The following C2CD5 variants were observed in gnomAD, a reference collection of about 807,000 sequenced individuals.
The protein encoded by C2CD5 is C2 domain-containing protein 5.
A neutral mutation model predicts 130.3 loss-of-function variants in C2CD5; 109 were observed. The observed-to-expected ratio is 0.84, with a 90% CI of 0.72 to 0.98. The LOEUF (loss-of-function observed/expected upper bound fraction) is 0.98. C2CD5 is among the 50% of genes least tolerant of loss of function. The pLI, the probability that C2CD5 is intolerant of heterozygous loss-of-function variation, is 0.00. For missense variants in C2CD5, 996 were observed against 1,261.8 expected (o/e 0.79, Z 3.19); for synonymous variants, 454 against 429.2 (o/e 1.06, Z -0.71).
At chr12:22,472,441 A>G in intron 17 of C2CD5, 94 bp from the exon 18 acceptor site, 2 of 700,736 alleles carry the variant, frequency 2.9e-6, no homozygotes, top group South Asian at 1.9e-5. Context: ...AGTTCTAACT[A>G]TAACACCCTT....
chr12:22,530,700 G>A (rs866537346), intron 3 of C2CD5, among the ~76,000 whole-genome samples: 14 of 151,878 alleles, frequency 9.2e-5, no homozygotes, highest in South Asian at 4.1e-4. Context: ...CAGGTGATTC[G>A]CCTGCCTCGG....
At chr12:22,478,731 T>C (rs531841323) in intron 14 of C2CD5, among the ~76,000 whole-genome samples, 1 of 151,862 alleles carries the variant, frequency 6.6e-6, no homozygotes, top group East Asian at 1.9e-4. Context: ...CCATAATCCC[T>C]GCTACTCAGG....
intron 22 of C2CD5, among the ~76,000 whole-genome samples, chr12:22,463,179 G>C (rs1430029751): frequency 2.0e-5 from 3 of 151,992 alleles, no homozygotes; most frequent in Non-Finnish European, 4.4e-5. Context: ...TTGAGGTCAG[G>C]AGTTCGAGAC....
intron 15 of C2CD5, among the ~76,000 whole-genome samples, chr12:22,477,643 CA>C (rs1001511661): frequency 3.3e-5 from 5 of 151,984 alleles, no homozygotes; most frequent in African/African-American, 1.2e-4. Context: ...CTCATAAAAA[CA>C]AATAGTTTCA....
intron 9 of C2CD5, chr12:22,512,567 TA>T: frequency 9.5e-7 from 1 of 1,049,030 alleles, no homozygotes; most frequent in Non-Finnish European, 1.3e-6. Context: ...TAAGATTAAA[TA>T]AAATTTAAAT....
intron 24 of C2CD5, among the ~76,000 whole-genome samples, chr12:22,457,904 G>T (rs1354261239): frequency 1.3e-5 from 2 of 152,162 alleles, no homozygotes; most frequent in East Asian, 3.9e-4. Flanking sequence ...TTCAGAACCA[G>T]ATCTGGCTGG....
chr12:22,513,099 C>T (rs73076666), intron 9 of C2CD5, among the ~76,000 whole-genome samples, 195 bp downstream of exon 9: 6,276 of 152,034 alleles, frequency 0.041, 165 homozygotes, highest in South Asian at 0.11. Flanking sequence ...ATTATTATTA[C>T]GTAATTATTC....
chr12:22,484,466 A>G (rs949199129), intron 13 of C2CD5: 4 of 379,166 alleles, frequency 1.1e-5, no homozygotes, highest in Non-Finnish European at 1.9e-5. Flanking sequence ...AAAATGACAA[A>G]TATTTGTGTA....
At chr12:22,531,021 G>C (rs1328116028) in intron 3 of C2CD5, among the ~76,000 whole-genome samples, 1 of 151,898 alleles carries the variant, frequency 6.6e-6, no homozygotes, top group African/African-American at 2.4e-5. Flanking sequence ...CCATTTCTAG[G>C]TTATAGTTGG....
intron 9 of C2CD5, among the ~76,000 whole-genome samples, chr12:22,512,843 T>C (rs1431089057): frequency 6.6e-6 from 1 of 152,050 alleles, no homozygotes; most frequent in African/African-American, 2.4e-5. Context: ...TATTAATCTT[T>C]AGAAATATAG....
chr12:22,501,553 T>A (rs904430660), intron 10 of C2CD5, among the ~76,000 whole-genome samples: 2 of 152,194 alleles, frequency 1.3e-5, no homozygotes, highest in Non-Finnish European at 2.9e-5. Context: ...CCTAGGAAAG[T>A]ATTTTTCAAT....
Position 22,449,619 on chromosome 12 carries a change from A to C in C2CD5, c.*141T>G. 1.3e-6 allele frequency: 1 copy of C among 752,750 alleles called. No homozygotes were observed. Among genetic ancestry groups the C allele is most frequent in the African/African-American group, 1.7e-5 (1 of 57,344 alleles). 46.6% of individuals were successfully genotyped at this position (752,750 alleles called of 1,614,324 possible). On this transcript the variant is annotated 3_prime_UTR_variant, in exon 27 of 27. Coordinates refer to ENST00000446597, the MANE Select transcript of C2CD5 (RefSeq NM_001286176.2). ...AAGATTAGAAAATTCTCATGCCTCCAAAAGACTCCAGGCAAATCAAATCTA... is the reference window on the plus strand; with the variant it reads ...AAGATTAGAAAATTCTCATGCCTCCCAAAGACTCCAGGCAAATCAAATCTA...
chr12:22,467,774 T>C (rs1377277289), intron 22 of C2CD5, among the ~76,000 whole-genome samples: 4 of 152,220 alleles, frequency 2.6e-5, no homozygotes, highest in South Asian at 2.1e-4. Context: ...GGACTTACTC[T>C]ACTCAAATTC....
chr12:22,471,013 C>G (rs1942937682), intron 20 of C2CD5, 102 bp from the exon 21 acceptor site: 1 of 697,858 alleles, frequency 1.4e-6, no homozygotes, highest in Admixed American at 2.9e-5. Context: ...CACCAAATAC[C>G]TTTTCTGGTT....
intron 15 of C2CD5, chr12:22,477,191 C>G (rs1943970125): frequency 6.6e-6 from 1 of 151,984 alleles, no homozygotes; most frequent in South Asian, 2.1e-4. Flanking sequence ...AAAATCAATA[C>G]AAAAATATTC....
chr12:22,486,833 A>C (rs1320506758), intron 12 of C2CD5, among the ~76,000 whole-genome samples: 1 of 152,206 alleles, frequency 6.6e-6, no homozygotes, highest in Non-Finnish European at 1.5e-5. Flanking sequence ...TGCAGAATTA[A>C]CTTGTGAATG....
At chr12:22,478,573 C>A (rs1266914755) in intron 14 of C2CD5, 96 bp from the exon 15 acceptor site, 1 of 1,019,634 alleles carries the variant, frequency 9.8e-7, no homozygotes, top group African/African-American at 1.6e-5. Flanking sequence ...CAGCTGGGTG[C>A]AGTGGCTCAC....
chr12:22,507,395 C>G (rs1328248397), intron 9 of C2CD5, among the ~76,000 whole-genome samples: 1 of 151,728 alleles, frequency 6.6e-6, no homozygotes, highest in Admixed American at 6.5e-5. Context: ...CTATCAACAC[C>G]AATGTGGCAG....
At position 22,493,356 on chromosome 12, in the gene C2CD5, A is replaced by T; in HGVS notation, c.1148-19T>A. On this transcript the variant is annotated intron_variant, in intron 10 of 26. Transcript: ENST00000446597. ...GGTTCATCTGAAAAATAAATTTTAA[A>T]TCAGTTTATTACTCAATAGCACATT... 1 of 1,385,968 alleles carries T rather than the reference A, an allele frequency of 7.2e-7. No individual in the cohort carries two copies. The highest frequency in any genetic ancestry group is 1.0e-6 in the Non-Finnish European group (1 of 977,004). The allele number at this position is 1,385,968 out of a possible 1,614,324, so 85.9% of individuals were successfully genotyped here. A position where few individuals can be genotyped will look rare whatever the true frequency, so the allele number is the denominator to read the frequency against.
Sources: gnomAD v4.1 joint callset for allele counts (sites outside exome capture counted in the v4.1 genomes callset) on GRCh38, gnomAD v4.1.1 for gene constraint, MANE v1.5 for transcripts, NCBI Gene and HGNC (gene_info 2026-07-23, HGNC 2026-07-21) for gene names.